LAMA2: variants seen among roughly 807,000 people sequenced by gnomAD.
LAMA2 encodes laminin subunit alpha 2.
A neutral mutation model predicts 364.8 loss-of-function variants in LAMA2; 269 were observed. The observed-to-expected ratio is 0.74, with a 90% CI of 0.67 to 0.82. LAMA2 has a LOEUF of 0.82. Ranked by LOEUF, LAMA2 falls within the 40% of genes least tolerant of loss-of-function variation. LAMA2 has a pLI of 0.00. For synonymous variants in LAMA2, 1,379 were observed against 1,370.6 expected (o/e 1.01, Z -0.14); for missense variants, 3,807 against 3,873.2 (o/e 0.98, Z 0.45).
chr6:129,177,616 A>G, intron 9 of LAMA2, 90 bp from the exon 10 acceptor site: 1 of 1,296,706 alleles, frequency 7.7e-7, no homozygotes, highest in South Asian at 1.2e-5. Context: ...GTGTCAAAAT[A>G]GCATTTTAAA....
rs531111148 is a variant in LAMA2 at position 129,315,594 on chromosome 6, G to A, written c.3674G>A (p.Arg1225Lys). 1 of 1,614,186 alleles carries A rather than the reference G, an allele frequency of 6.2e-7. No individual in the cohort carries two copies. The highest frequency in any genetic ancestry group is 1.1e-5 in the South Asian group (1 of 91,078). ...PEIVAHMDLM[R>K]EDLHLEPFYW... ...ATTGTTGCCCACATGGACCTGATGA[G>A]AGAAGATCTCCATTTGGAACCTTTT... Residue 1225 changes from arginine (R) to lysine (K), a missense_variant, in exon 25 of 65, where the codon AGA becomes AAA. By Grantham distance (26) the Arg-to-Lys change is conservative. Around this residue, in one of 3 missense-constraint regions of LAMA2, gnomAD observed 3,333 missense variants for 3,345.7 expected, o/e 1.00. Transcript: ENST00000421865.
chr6:129,508,651 T>G (rs1268140049), intron 62 of LAMA2, among the ~76,000 whole-genome samples: 1 of 152,152 alleles, frequency 6.6e-6, no homozygotes, highest in African/African-American at 2.4e-5. Context: ...TTATTTCACT[T>G]AACATAATGA....
intron 22 of LAMA2, among the ~76,000 whole-genome samples, chr6:129,307,050 G>A (rs1189958039): frequency 2.0e-5 from 3 of 152,024 alleles, no homozygotes; most frequent in Admixed American, 6.6e-5. Flanking sequence ...GTTGTGTATT[G>A]GATTTTATTG....
chr6:129,109,703 T>C (rs983743077), intron 4 of LAMA2, among the ~76,000 whole-genome samples: 3 of 152,118 alleles, frequency 2.0e-5, no homozygotes, highest in African/African-American at 4.8e-5. Context: ...CTCCATCTTA[T>C]AGTAAAATTT....
At chr6:129,359,590 A>G (rs916786795) in intron 32 of LAMA2, among the ~76,000 whole-genome samples, 11 of 143,636 alleles carry the variant, frequency 7.7e-5, no homozygotes, top group Non-Finnish European at 1.3e-4. Flanking sequence ...GAAAATTCAG[A>G]TCCAGGGAAC....
chr6:129,249,183 A>G (rs1002787058), intron 12 of LAMA2, among the ~76,000 whole-genome samples: 3 of 152,210 alleles, frequency 2.0e-5, no homozygotes, highest in Non-Finnish European at 4.4e-5. Context: ...GAAAGGCCAT[A>G]GAGAGCCAAC....
chr6:129,202,223 AAC>A (rs1457930254), intron 12 of LAMA2, among the ~76,000 whole-genome samples: 1 of 151,812 alleles, frequency 6.6e-6, no homozygotes, highest in African/African-American at 2.4e-5. Context: ...AAGAAAAGAA[AAC>A]ACAACAGGTG....
At chr6:129,177,291 G>T (rs1780653536) in intron 9 of LAMA2, among the ~76,000 whole-genome samples, 1 of 151,976 alleles carries the variant, frequency 6.6e-6, no homozygotes, top group Non-Finnish European at 1.5e-5. Flanking sequence ...TATTCCCAAG[G>T]CTACTTTGCA....
At chr6:129,512,653 T>C (rs1415920627) in intron 63 of LAMA2, among the ~76,000 whole-genome samples, 160 bp downstream of exon 63, 1 of 152,172 alleles carries the variant, frequency 6.6e-6, no homozygotes, top group Non-Finnish European at 1.5e-5. Flanking sequence ...TTACTTCAAT[T>C]TGTGTATGTT....
intron 3 of LAMA2, among the ~76,000 whole-genome samples, chr6:129,069,458 T>G (rs1773161113): frequency 6.7e-6 from 1 of 148,534 alleles, no homozygotes; most frequent in Non-Finnish European, 1.5e-5. Context: ...ACAATTATAT[T>G]ATTTGTTTTT....
intron 1 of LAMA2, among the ~76,000 whole-genome samples, chr6:129,018,664 A>C (rs1785230266): frequency 6.6e-6 from 1 of 151,962 alleles, no homozygotes; most frequent in South Asian, 2.1e-4. Flanking sequence ...TCCTATTCAT[A>C]TATCTCAACT....
chr6:128,924,459 A>G (rs982361000), intron 1 of LAMA2, among the ~76,000 whole-genome samples: 1 of 152,202 alleles, frequency 6.6e-6, no homozygotes, highest in Admixed American at 6.5e-5. Flanking sequence ...AGGTAAGTTT[A>G]TAGAGTAAAG....
chr6:129,122,508 C>A (rs1004499123), intron 4 of LAMA2, among the ~76,000 whole-genome samples: 1 of 152,130 alleles, frequency 6.6e-6, no homozygotes. Context: ...CTATGGGAGA[C>A]CCTGTATCAC....
rs544288881 is a variant in LAMA2 at position 129,107,816 on chromosome 6, A to G, written c.639+9401A>G. On this transcript the variant is annotated intron_variant, in intron 4 of 64. Transcript: ENST00000421865. Reference sequence around the variant, plus strand: ...ATTTTTGGAGCTGTGATTTGAATTCAGTGTATTCTCAGAGCACCAGAAAGG... The same window carrying G: ...ATTTTTGGAGCTGTGATTTGAATTCGGTGTATTCTCAGAGCACCAGAAAGG... Among the ~76,000 whole-genome samples, 229 of 152,272 alleles carry G rather than the reference A, an allele frequency of 1.5e-3. 1 individual carries two copies. Among genetic ancestry groups the G allele is most frequent in the African/African-American group, 4.8e-3 (200 of 41,544 alleles).
At chr6:129,009,105 C>T (rs1784614282) in intron 1 of LAMA2, among the ~76,000 whole-genome samples, 1 of 152,062 alleles carries the variant, frequency 6.6e-6, no homozygotes. Context: ...CCATTGGGGT[C>T]TCATCTGGTG....
intron 22 of LAMA2, among the ~76,000 whole-genome samples, chr6:129,302,058 A>G (rs1773584515): frequency 6.6e-6 from 1 of 152,098 alleles, no homozygotes; most frequent in Non-Finnish European, 1.5e-5. Context: ...TTACCATTTA[A>G]TGGGTGTTTG....
At chr6:129,251,312 C>A in intron 13 of LAMA2, among the ~76,000 whole-genome samples, 1 of 151,420 alleles carries the variant, frequency 6.6e-6, no homozygotes. Flanking sequence ...TTGTTTTTTC[C>A]CATGTAGTAA....
chr6:129,156,443 T>A (rs1426338505), intron 8 of LAMA2, among the ~76,000 whole-genome samples: 1 of 152,016 alleles, frequency 6.6e-6, no homozygotes, highest in Non-Finnish European at 1.5e-5. Context: ...AAAAAATTTT[T>A]AAATAATTTT....
At chr6:128,930,586 G>GGAGCAA (rs1779412261) in intron 1 of LAMA2, among the ~76,000 whole-genome samples, 1 of 152,058 alleles carries the variant, frequency 6.6e-6, no homozygotes, top group African/African-American at 2.4e-5. Flanking sequence ...ACACGGAGCA[G>GGAGCAA]GAGCAAGAAA....
Sources: allele counts gnomAD v4.1 joint callset (sites outside exome capture counted in the v4.1 genomes callset), GRCh38; gene constraint gnomAD v4.1.1; regional missense constraint gnomAD v4.1.1; transcripts MANE v1.5; gene names NCBI Gene and HGNC (gene_info 2026-07-23, HGNC 2026-07-21).